OSBPL10: variants seen among roughly 807,000 people sequenced by gnomAD.
The protein encoded by OSBPL10 is oxysterol-binding protein-related protein 10.
Under a neutral mutation model 81.7 loss-of-function variants are expected in OSBPL10, and 49 were observed. That is an observed-to-expected ratio of 0.60 (90% confidence interval 0.48 to 0.76). OSBPL10 has a LOEUF of 0.76. OSBPL10 is among the 30% of genes least tolerant of loss of function. The pLI is 0.00. For synonymous variants in OSBPL10, 419 were observed against 383.6 expected, an observed-to-expected ratio of 1.09 and a Z score of -1.08; for missense variants, 923 against 987.8, an observed-to-expected ratio of 0.93 and a Z score of 0.88.
At chr3:31,841,764 C>T (rs902128877) in intron 3 of OSBPL10, among the ~76,000 whole-genome samples, 5 of 152,190 alleles carry the variant, frequency 3.3e-5, no homozygotes, top group African/African-American at 1.2e-4. Flanking sequence ...TACTAACAGC[C>T]AACGGTATTT....
At chr3:31,665,313 C>G (rs967599527) in intron 10 of OSBPL10, among the ~76,000 whole-genome samples, 1 of 152,168 alleles carries the variant, frequency 6.6e-6, no homozygotes, top group Non-Finnish European at 1.5e-5. Context: ...AGGAACTGTC[C>G]GAATGCCAGG....
intron 7 of OSBPL10, among the ~76,000 whole-genome samples, chr3:31,689,821 G>A (rs547444783): frequency 2.6e-5 from 4 of 152,210 alleles, no homozygotes; most frequent in South Asian, 2.1e-4. Context: ...CTATAAGTCC[G>A]TTAAACCTCT....
intron 5 of OSBPL10, among the ~76,000 whole-genome samples, chr3:31,738,025 C>T (rs1289493174): frequency 1.3e-5 from 2 of 148,364 alleles, no homozygotes; most frequent in African/African-American, 4.9e-5. Context: ...AAAGACAATA[C>T]AGAAGATGCA....
At chr3:31,776,266 C>T (rs575353140) in intron 4 of OSBPL10, among the ~76,000 whole-genome samples, 53 of 152,168 alleles carry the variant, frequency 3.5e-4, no homozygotes, top group African/African-American at 1.2e-3. Flanking sequence ...AACCAGGTAC[C>T]GTTTCACAAC....
intron 1 of OSBPL10, among the ~76,000 whole-genome samples, chr3:32,076,549 T>C (rs1224650058): frequency 6.6e-6 from 1 of 152,116 alleles, no homozygotes; most frequent in Non-Finnish European, 1.5e-5. Context: ...CTTTCCCTGT[T>C]CGCCTGACAA....
Position 31,683,855 on chromosome 3 carries a change from C to T in OSBPL10, c.1505G>A (p.Arg502Lys). ...EVPKDRVKPK[R>K]TASRSPASCH... is the part of the protein sequence containing the mutation. ...GCTGGCAGGAGAGCGGGAAGCAGTC[C>T]TCTTAGGCTTGACCCTGTCCTTGGG... The change falls in exon 8 of 12, where the codon AGG becomes AAG. Residue 502 changes from arginine (R) to lysine (K), a missense_variant. Arg to Lys is a conservative substitution (Grantham distance 26, BLOSUM62 2). Around this residue, in one of 3 missense-constraint regions of OSBPL10, gnomAD observed 387 missense variants for 436.3 expected, o/e 0.89. Transcript: ENST00000396556. 5.0e-6 allele frequency: 8 copies of T among 1,614,236 alleles called. No individual in the cohort carries two copies. Among genetic ancestry groups the T allele is most frequent in the Admixed American group, 1.7e-5 (1 of 60,032 alleles).
At chr3:31,893,269 G>GA (rs1311195060) in intron 1 of OSBPL10, among the ~76,000 whole-genome samples, 1 of 152,070 alleles carries the variant, frequency 6.6e-6, no homozygotes, top group Admixed American at 6.6e-5. Flanking sequence ...CACCAAAGAA[G>GA]ACATTTCACC....
chr3:31,723,569 C>T (rs2125643930), intron 6 of OSBPL10, among the ~76,000 whole-genome samples: 2 of 151,888 alleles, frequency 1.3e-5, no homozygotes, highest in Middle Eastern at 3.4e-3. Flanking sequence ...CACACACACA[C>T]ACCCCTTTCC....
At chr3:31,824,793 C>T (rs192082461) in intron 4 of OSBPL10, among the ~76,000 whole-genome samples, 6 of 152,200 alleles carry the variant, frequency 3.9e-5, no homozygotes, top group East Asian at 3.9e-4. Flanking sequence ...TGTTTGCCAG[C>T]GGATATCTTG....
At chr3:31,970,831 T>A (rs150518389) in intron 1 of OSBPL10, among the ~76,000 whole-genome samples, 1 of 152,258 alleles carries the variant, frequency 6.6e-6, no homozygotes, top group African/African-American at 2.4e-5. Context: ...TCTTTTACAG[T>A]CTCATCTCTG....
At chr3:31,716,811 C>G (rs1575496312) in intron 6 of OSBPL10, among the ~76,000 whole-genome samples, 1 of 152,334 alleles carries the variant, frequency 6.6e-6, no homozygotes, top group East Asian at 1.9e-4. Flanking sequence ...ATTCAGAAAG[C>G]TATCACCTTT....
At chr3:31,726,715 G>C (rs76793249) in intron 6 of OSBPL10, among the ~76,000 whole-genome samples, 14,032 of 151,934 alleles carry the variant, frequency 0.092, 1,581 homozygotes, top group African/African-American at 0.27. Flanking sequence ...ACAATGAAGT[G>C]ACAAGCATAA....
At chr3:31,742,456 T>C (rs138023235) in intron 5 of OSBPL10, among the ~76,000 whole-genome samples, 23 of 151,644 alleles carry the variant, frequency 1.5e-4, no homozygotes, top group African/African-American at 5.5e-4. Context: ...GCTCTGGTTC[T>C]TCTTCTCTCA....
chr3:31,775,206 T>C (rs1698517952), intron 4 of OSBPL10, among the ~76,000 whole-genome samples: 1 of 151,814 alleles, frequency 6.6e-6, no homozygotes, highest in African/African-American at 2.4e-5. Flanking sequence ...AAGGAAGTGC[T>C]AGAGGTTCAG....
chr3:31,671,200 A>G (rs7619996), intron 8 of OSBPL10, among the ~76,000 whole-genome samples: 75,333 of 152,070 alleles, frequency 0.5, 21,494 homozygotes, highest in African/African-American at 0.78. Flanking sequence ...TGCCCTCAGA[A>G]AGCAGAAGAG....
chr3:31,979,274 A>G (rs1698764580), intron 1 of OSBPL10, among the ~76,000 whole-genome samples: 1 of 152,262 alleles, frequency 6.6e-6, no homozygotes. Flanking sequence ...GAGAAATAAA[A>G]GGATTCAAAA....
chr3:31,685,787 C>T (rs1700778475), intron 7 of OSBPL10, among the ~76,000 whole-genome samples: 1 of 152,178 alleles, frequency 6.6e-6, no homozygotes, highest in Admixed American at 6.5e-5. Context: ...AACCCTGACT[C>T]TACTTCAGGA....
intron 2 of OSBPL10, among the ~76,000 whole-genome samples, chr3:32,011,561 C>T (rs143589743): frequency 0.024 from 3,713 of 152,296 alleles, 138 homozygotes; most frequent in East Asian, 0.1. Flanking sequence ...AATGCAGCTC[C>T]TCACCAGCAA....
intron 4 of OSBPL10, among the ~76,000 whole-genome samples, chr3:31,783,269 C>T (rs1421583258): frequency 6.6e-6 from 1 of 151,582 alleles, no homozygotes; most frequent in East Asian, 1.9e-4. Flanking sequence ...GAAAACCAAA[C>T]ATCATATGTT....
Sources: allele counts gnomAD v4.1 joint callset (sites outside exome capture counted in the v4.1 genomes callset), GRCh38; gene constraint gnomAD v4.1.1; regional missense constraint gnomAD v4.1.1; transcripts MANE v1.5; gene names NCBI Gene and HGNC (gene_info 2026-07-23, HGNC 2026-07-21).